CBLB: variants seen among roughly 807,000 people sequenced by gnomAD.
CBLB encodes the protein Cbl proto-oncogene B.
In CBLB, 31 loss-of-function variants were observed where a neutral mutation model predicts 104.9. The ratio of observed to expected loss-of-function variants is 0.30; its 90% CI spans 0.22 to 0.40. CBLB has a LOEUF of 0.40. Ranked by LOEUF, CBLB falls within the 10% of genes least tolerant of loss-of-function variation. The pLI, the probability that CBLB is intolerant of heterozygous loss-of-function variation, is 1.00. For synonymous variants in CBLB, 440 were observed against 422.6 expected, an observed-to-expected ratio of 1.04 and a Z score of -0.51; for missense variants, 1,062 against 1,214.6, an observed-to-expected ratio of 0.87 and a Z score of 1.87.
At chr3:105,728,957 A>G (rs951896933) in intron 9 of CBLB, among the ~76,000 whole-genome samples, 1 of 152,168 alleles carries the variant, frequency 6.6e-6, no homozygotes, top group African/African-American at 2.4e-5. Context: ...ATGAATTTCA[A>G]TTAAACCAAA....
chr3:105,811,321 A>G (rs1420207643), intron 3 of CBLB, among the ~76,000 whole-genome samples: 1 of 152,228 alleles, frequency 6.6e-6, no homozygotes, highest in Admixed American at 6.5e-5. Flanking sequence ...ACAATCCCTG[A>G]TATCTGTAGA....
chr3:105,754,088 C>T (rs1263911381), intron 4 of CBLB, among the ~76,000 whole-genome samples: 1 of 151,928 alleles, frequency 6.6e-6, no homozygotes, highest in Non-Finnish European at 1.5e-5. Context: ...ACAGATAACC[C>T]TCATTTGATC....
chr3:105,727,856 T>C (rs2073858921), intron 9 of CBLB, among the ~76,000 whole-genome samples: 1 of 152,142 alleles, frequency 6.6e-6, no homozygotes, highest in African/African-American at 2.4e-5. Flanking sequence ...TGGTTGTAGA[T>C]GTGTCGCATT....
chr3:105,869,022 CT>C (rs1706702057), upstream of CBLB: 1 of 1,004,140 alleles, frequency 1.0e-6, no homozygotes, highest in African/African-American at 1.8e-5. Flanking sequence ...CACCCCACCC[CT>C]GTGGCACACA....
rs776957739 is a variant in CBLB, at chr3:105,658,107, G to C, written c.*863C>G. ...CAGGGGACCTTGTTATATAACTTCAGTACAGCATTGTCTTATACAAGTGTT... is the reference window on the plus strand; with the variant it reads ...CAGGGGACCTTGTTATATAACTTCACTACAGCATTGTCTTATACAAGTGTT... On this transcript the variant is annotated 3_prime_UTR_variant, in exon 19 of 19. Coordinates refer to ENST00000394030, the MANE Select transcript of CBLB (RefSeq NM_170662.5). 47 of 216,580 alleles carry C rather than the reference G, an allele frequency of 2.2e-4. No homozygotes were observed. Among genetic ancestry groups the C allele is most frequent in the Non-Finnish European group, 3.5e-4 (38 of 107,516 alleles). The allele number at this position is 216,580 out of a possible 1,614,324, so 13.4% of individuals were successfully genotyped here. A position where few individuals can be genotyped will look rare whatever the true frequency, so the allele number is the denominator to read the frequency against.
At chr3:105,662,203 T>C (rs1045281978) in intron 18 of CBLB, among the ~76,000 whole-genome samples, 6 of 152,196 alleles carry the variant, frequency 3.9e-5, no homozygotes, top group South Asian at 2.1e-4. Flanking sequence ...AGCCTTCACT[T>C]TCTCCACTTT....
chr3:105,786,712 G>C (rs527984522), intron 3 of CBLB, among the ~76,000 whole-genome samples: 1 of 152,110 alleles, frequency 6.6e-6, no homozygotes, highest in Non-Finnish European at 1.5e-5. Flanking sequence ...GGAGGGGTCT[G>C]GATCCTTAAA....
chr3:105,844,963 C>G (rs2090042631), intron 3 of CBLB, among the ~76,000 whole-genome samples: 1 of 152,132 alleles, frequency 6.6e-6, no homozygotes, highest in Non-Finnish European at 1.5e-5. Flanking sequence ...CATCATTCAT[C>G]AACTTTCTTT....
chr3:105,794,533 T>G (rs1443478519), intron 3 of CBLB, among the ~76,000 whole-genome samples: 2 of 152,186 alleles, frequency 1.3e-5, no homozygotes, highest in African/African-American at 4.8e-5. Flanking sequence ...ATTTCGATCT[T>G]ACTTATAAAG....
At chr3:105,823,128 G>C (rs1046764804) in intron 3 of CBLB, among the ~76,000 whole-genome samples, 2 of 152,098 alleles carry the variant, frequency 1.3e-5, no homozygotes, top group Non-Finnish European at 2.9e-5. Context: ...TTTATCTTAG[G>C]CTCCTATAAA....
At chr3:105,861,311 T>A (rs907455949) in intron 2 of CBLB, among the ~76,000 whole-genome samples, 1 of 152,044 alleles carries the variant, frequency 6.6e-6, no homozygotes, top group Non-Finnish European at 1.5e-5. Flanking sequence ...CCCACTTAAA[T>A]GCTAGAAGAC....
Position 105,853,610 on chromosome 3 carries a change from G to A in CBLB, c.223C>T (p.Leu75Phe). 1.2e-6 allele frequency: 2 copies of A among 1,609,282 alleles called. No individual in the cohort carries two copies. Among genetic ancestry groups the A allele is most frequent in the African/African-American group, 1.3e-5 (1 of 74,922 alleles). The change falls in exon 3 of 19, where the codon CTT (leucine) becomes TTT (phenylalanine). Residue 75 changes from leucine (L) to phenylalanine (F), a missense_variant. Physicochemically the swap from Leu to Phe is conservative, Grantham distance 22. Coordinates refer to ENST00000394030, the MANE Select transcript of CBLB (RefSeq NM_170662.5). ...TGATATGTATCAGGCAAAATATCAA[G>A]TATATATGGTGGGCTATTTTTCAAC... ...LQLKNSPPYI[L>F]DILPDTYQHL...
At chr3:105,806,203 C>T (rs2083472193) in intron 3 of CBLB, among the ~76,000 whole-genome samples, 1 of 151,916 alleles carries the variant, frequency 6.6e-6, no homozygotes, top group South Asian at 2.1e-4. Context: ...TTTAAAAACT[C>T]AGAAATTCAG....
At chr3:105,744,791 G>A (rs1298282668) in intron 6 of CBLB, among the ~76,000 whole-genome samples, 4 of 151,946 alleles carry the variant, frequency 2.6e-5, no homozygotes, top group Non-Finnish European at 2.9e-5. Flanking sequence ...ATAGCTGGGC[G>A]TGGTGGCACA....
At chr3:105,818,674 C>T (rs2085398485) in intron 3 of CBLB, among the ~76,000 whole-genome samples, 1 of 151,956 alleles carries the variant, frequency 6.6e-6, no homozygotes. Context: ...ATGCTGTTTA[C>T]GTAACTCTAA....
chr3:105,695,331 A>C (rs951038170), intron 12 of CBLB, among the ~76,000 whole-genome samples: 29 of 151,874 alleles, frequency 1.9e-4, no homozygotes, highest in Admixed American at 1.4e-3. Context: ...TAATCAGAAC[A>C]TTATGAACGT....
intron 4 of CBLB, among the ~76,000 whole-genome samples, chr3:105,758,186 G>A (rs2077253786): frequency 6.6e-6 from 1 of 152,084 alleles, no homozygotes; most frequent in African/African-American, 2.4e-5. Context: ...TAAGGGAAAA[G>A]CAATTGTTTT....
chr3:105,788,795 A>G (rs1458260160), intron 3 of CBLB, among the ~76,000 whole-genome samples: 1 of 152,186 alleles, frequency 6.6e-6, no homozygotes, highest in Middle Eastern at 3.2e-3. Context: ...TGCTTTACTC[A>G]ATAGAATGTG....
intron 16 of CBLB, among the ~76,000 whole-genome samples, chr3:105,680,062 C>T (rs2066128932): frequency 6.6e-6 from 1 of 151,998 alleles, no homozygotes; most frequent in African/African-American, 2.4e-5. Context: ...AAAAAGCTCA[C>T]AAATAGGTAT....
Sources: gnomAD v4.1 joint callset for allele counts (sites outside exome capture counted in the v4.1 genomes callset) on GRCh38, gnomAD v4.1.1 for gene constraint, MANE v1.5 for transcripts, NCBI Gene and HGNC (gene_info 2026-07-23, HGNC 2026-07-21) for gene names.